ENAH: variants seen among roughly 807,000 people sequenced by gnomAD.
ENAH encodes the protein ENAH actin regulator, also known as protein enabled homolog.
In ENAH, 23 loss-of-function variants were observed where a neutral mutation model predicts 78.7. The ratio of observed to expected loss-of-function variants is 0.29; its 90% CI spans 0.21 to 0.41. The LOEUF (loss-of-function observed/expected upper bound fraction) is 0.41. Ranked by LOEUF, ENAH falls within the 10% of genes least tolerant of loss-of-function variation. ENAH has a pLI of 1.00. For missense variants in ENAH, 544 were observed against 691.0 expected, an observed-to-expected ratio of 0.79 and a Z score of 2.39; for synonymous variants, 226 against 241.0, an observed-to-expected ratio of 0.94 and a Z score of 0.58.
At chr1:225,560,849 A>G (rs968697433) in intron 2 of ENAH, among the ~76,000 whole-genome samples, 3 of 152,268 alleles carry the variant, frequency 2.0e-5, no homozygotes, top group Non-Finnish European at 4.4e-5. Flanking sequence ...TTACTTTTTC[A>G]ATTGTTCATA....
chr1:225,576,113 GA>G (rs141594664), intron 1 of ENAH, among the ~76,000 whole-genome samples: 6,529 of 151,784 alleles, frequency 0.043, 228 homozygotes, highest in South Asian at 0.11. Flanking sequence ...CTACAGAAAT[GA>G]AAAAACTTAA....
At position 225,495,456 on chromosome 1, in the gene ENAH, GTTTTTTTTT is replaced by G. The variant is rs33964064; in HGVS notation, c.*2310_*2318del. ...GGAAATATAGCATGATTCAACACTG[GTTTTTTTTT>G]TTTTTTTTTTTTGTCAGTTTACACA... On this transcript the variant is annotated 3_prime_UTR_variant, in exon 14 of 14. Transcript: ENST00000366843. The G allele has an allele frequency of 9.0e-6, 1 of 110,762 alleles. No individual in the cohort carries two copies. The highest frequency in any genetic ancestry group is 1.7e-5 in the Non-Finnish European group (1 of 57,462). The allele number at this position is 110,762 out of a possible 1,614,324, so 6.9% of individuals were successfully genotyped here.
intron 1 of ENAH, among the ~76,000 whole-genome samples, chr1:225,634,601 G>A (rs1659728154): frequency 6.6e-6 from 1 of 152,062 alleles, no homozygotes; most frequent in Non-Finnish European, 1.5e-5. Flanking sequence ...GATGTTTTAA[G>A]AAAAAAACAC....
At position 225,492,763 on chromosome 1, in the gene ENAH, T is replaced by A. The variant is rs2096228397; in HGVS notation, c.*5012A>T. On this transcript the variant is annotated 3_prime_UTR_variant, in exon 14 of 14. Coordinates refer to ENST00000366843, the MANE Select transcript of ENAH (RefSeq NM_018212.6). ...GACAGTCCTATTTCCCTTTCTCAAT[T>A]TTCAGATGTATCGATTCCTTCAGAT... is the stretch of plus-strand genomic sequence containing the variant. 6.6e-6 allele frequency: 1 copy of A among 152,222 alleles called. No individual in the cohort carries two copies. The highest frequency in any genetic ancestry group is 6.5e-5 in the Admixed American group (1 of 15,282). 9.4% of individuals were successfully genotyped at this position (152,222 alleles called of 1,614,324 possible).
chr1:225,515,018 G>A, intron 6 of ENAH, 118 bp from the exon 7 acceptor site: 1 of 824,426 alleles, frequency 1.2e-6, no homozygotes, highest in South Asian at 1.5e-5. Flanking sequence ...TTTACTTAAT[G>A]AGTCCAATTT....
At chr1:225,634,604 A>G (rs1047628018) in intron 1 of ENAH, among the ~76,000 whole-genome samples, 20 of 152,240 alleles carry the variant, frequency 1.3e-4, no homozygotes, top group African/African-American at 4.8e-4. Context: ...GTTTTAAGAA[A>G]AAAACACTAA....
chr1:225,614,562 T>C (rs1307971875), intron 1 of ENAH, among the ~76,000 whole-genome samples: 1 of 152,142 alleles, frequency 6.6e-6, no homozygotes, highest in Admixed American at 6.6e-5. Flanking sequence ...CTTCATTATG[T>C]AGACATGACT....
intron 1 of ENAH, among the ~76,000 whole-genome samples, chr1:225,586,162 A>G (rs2096845125): frequency 6.6e-5 from 10 of 150,982 alleles, no homozygotes; most frequent in Admixed American, 5.3e-4. Context: ...GCTGAGGCAT[A>G]AGAATCGTTT....
intron 3 of ENAH, among the ~76,000 whole-genome samples, chr1:225,547,675 T>C (rs17501956): frequency 0.043 from 6,551 of 152,256 alleles, 229 homozygotes; most frequent in South Asian, 0.11. Context: ...AACGCCCTTC[T>C]TGATCACCTA....
chr1:225,536,995 TA>T (rs1373972514), intron 3 of ENAH, among the ~76,000 whole-genome samples: 1 of 152,122 alleles, frequency 6.6e-6, no homozygotes, highest in African/African-American at 2.4e-5. Context: ...TTTCAATAAT[TA>T]TAAGTTTAAA....
At chr1:225,581,287 T>A (rs2096816271) in intron 1 of ENAH, 1 of 984,862 alleles carries the variant, frequency 1.0e-6, no homozygotes. Context: ...CACATTATTT[T>A]CATGAAGTTA....
chr1:225,523,496 A>C (rs1353269336), intron 4 of ENAH, among the ~76,000 whole-genome samples: 1 of 152,124 alleles, frequency 6.6e-6, no homozygotes, highest in Non-Finnish European at 1.5e-5. Context: ...AATATTTCTA[A>C]GTTCACAGAC....
chr1:225,567,107 G>A, intron 2 of ENAH, 142 bp downstream of exon 2: 1 of 848,700 alleles, frequency 1.2e-6, no homozygotes, highest in Non-Finnish European at 1.8e-6. Flanking sequence ...GGTAGAAAGG[G>A]TGGAGAGACA....
intron 7 of ENAH, among the ~76,000 whole-genome samples, chr1:225,513,970 CAA>C (rs2096396973): frequency 6.6e-6 from 1 of 151,636 alleles, no homozygotes; most frequent in Non-Finnish European, 1.5e-5. Flanking sequence ...GTCTGGATAA[CAA>C]GAGTGAAACT....
chr1:225,503,262 G>C (rs968631411), intron 11 of ENAH, among the ~76,000 whole-genome samples: 3 of 152,102 alleles, frequency 2.0e-5, no homozygotes, highest in Non-Finnish European at 2.9e-5. Flanking sequence ...TGTGAAAGCA[G>C]CAAGATAACT....
At chr1:225,528,215 G>A (rs895588626) in intron 4 of ENAH, among the ~76,000 whole-genome samples, 3 of 152,068 alleles carry the variant, frequency 2.0e-5, no homozygotes, top group Non-Finnish European at 4.4e-5. Context: ...AAATAAACAC[G>A]TAGGAAGAAA....
chr1:225,601,660 C>T lies in ENAH; in HGVS notation c.6-34246G>A, dbSNP rs559763496. 1.6e-4 allele frequency among the ~76,000 whole-genome samples: 24 copies of T among 151,810 alleles called. No homozygotes were observed. In the East Asian group the frequency reaches 3.3e-3, roughly 21 times the overall value. ...GGGGATACATTTTTTTTCTCACATACCCTAAACATTTATATTACTAAACCA... is the reference window on the plus strand; with the variant it reads ...GGGGATACATTTTTTTTCTCACATATCCTAAACATTTATATTACTAAACCA... On this transcript the variant is annotated intron_variant, in intron 1 of 13. Transcript: ENST00000366843.
intron 1 of ENAH, among the ~76,000 whole-genome samples, chr1:225,630,654 G>C (rs1658847814): frequency 2.0e-5 from 3 of 152,066 alleles, no homozygotes; most frequent in Admixed American, 2.0e-4. Context: ...TGCTATAAAG[G>C]CATTTTAATT....
intron 1 of ENAH, among the ~76,000 whole-genome samples, chr1:225,615,038 GTCTCCCTCTCCC>G (rs72200596): frequency 2.3e-4 from 34 of 149,980 alleles, no homozygotes; most frequent in South Asian, 1.5e-3. Context: ...CCTCTCCCCG[GTCTCCCTCTCCC>G]TCTCCCTCTC....
Sources: gnomAD v4.1 joint callset for allele counts (sites outside exome capture counted in the v4.1 genomes callset) on GRCh38, gnomAD v4.1.1 for gene constraint, MANE v1.5 for transcripts, NCBI Gene and HGNC (gene_info 2026-07-23, HGNC 2026-07-21) for gene names.